Variants in ST6GAL2 observed in about 807,000 individuals in gnomAD.
The protein encoded by ST6GAL2 is ST6 beta-galactoside alpha-2,6-sialyltransferase 2, also known as beta-galactoside alpha-2,6-sialyltransferase 2.
ST6GAL2 carries 24 observed loss-of-function variants against 37.5 expected under a neutral mutation model. The ratio of observed to expected loss-of-function variants is 0.64; its 90% CI spans 0.46 to 0.90. The LOEUF (loss-of-function observed/expected upper bound fraction) is 0.90. Ranked by LOEUF, ST6GAL2 falls within the 40% of genes least tolerant of loss-of-function variation. The pLI is 0.00. For synonymous variants in ST6GAL2, 306 were observed against 295.1 expected, an observed-to-expected ratio of 1.04 and a Z score of -0.38; for missense variants, 715 against 712.7, an observed-to-expected ratio of 1.00 and a Z score of -0.04.
intron 2 of ST6GAL2, among the ~76,000 whole-genome samples, chr2:106,837,825 C>A (rs1354251943): frequency 6.6e-6 from 1 of 152,218 alleles, no homozygotes; most frequent in Admixed American, 6.5e-5. Flanking sequence ...GTGCTCTAAA[C>A]CATCCAAGGA....
intron 2 of ST6GAL2, among the ~76,000 whole-genome samples, chr2:106,835,787 A>G (rs1345344716): frequency 6.6e-6 from 1 of 152,240 alleles, no homozygotes; most frequent in Non-Finnish European, 1.5e-5. Context: ...GCCAATCTCT[A>G]GGTTCAAGGG....
chr2:106,808,900 G>T (rs1192674507), intron 5 of ST6GAL2, among the ~76,000 whole-genome samples: 2 of 152,164 alleles, frequency 1.3e-5, no homozygotes, highest in Non-Finnish European at 2.9e-5. Context: ...TTAGCTACTT[G>T]AGAGACTGAG....
rs1558667943 is a variant in ST6GAL2, at chr2:106,803,161, T to A, written c.*3517A>T. ...TTCCTAATTTTGAAAACGCTAATGA[T>A]TATTTTAGCATTTCTTTTTTTGCAG... On this transcript the variant is annotated 3_prime_UTR_variant, in exon 6 of 6. Transcript: ENST00000409382. 2.0e-5 allele frequency: 3 copies of A among 152,138 alleles called. No homozygotes were observed. Among genetic ancestry groups the A allele is most frequent in the Non-Finnish European group, 1.5e-5 (1 of 68,048 alleles). The allele number at this position is 152,138 out of a possible 1,614,324, so 9.4% of individuals were successfully genotyped here. A position where few individuals can be genotyped will look rare whatever the true frequency, so the allele number is the denominator to read the frequency against.
intron 5 of ST6GAL2, chr2:106,824,908 T>C (rs1258816240): frequency 6.6e-6 from 1 of 152,192 alleles, no homozygotes; most frequent in Non-Finnish European, 1.5e-5. Flanking sequence ...GGACTAGACT[T>C]CTAAAGTTCT....
At chr2:106,824,664 T>A (rs1039314396) in intron 5 of ST6GAL2, among the ~76,000 whole-genome samples, 4 of 152,038 alleles carry the variant, frequency 2.6e-5, no homozygotes, top group Non-Finnish European at 4.4e-5. Context: ...CATCCAATAC[T>A]GCTGGAATAT....
At chr2:106,830,365 C>G in intron 4 of ST6GAL2, 125 bp from the exon 5 acceptor site, 1 of 719,748 alleles carries the variant, frequency 1.4e-6, no homozygotes, top group Admixed American at 2.5e-5. Context: ...AAGATCATGA[C>G]TCATGACATC....
intron 1 of ST6GAL2, among the ~76,000 whole-genome samples, chr2:106,858,792 C>T (rs1179300337): frequency 6.6e-6 from 1 of 152,106 alleles, no homozygotes; most frequent in Non-Finnish European, 1.5e-5. Flanking sequence ...CCACTCTGCA[C>T]CTCTGCATCT....
chr2:106,814,319 C>T (rs2104424243), intron 5 of ST6GAL2, among the ~76,000 whole-genome samples: 1 of 152,028 alleles, frequency 6.6e-6, no homozygotes, highest in African/African-American at 2.4e-5. Context: ...GTTTGGGTGA[C>T]ACATTAAAAA....
chr2:106,838,566 C>T (rs1676740202), intron 2 of ST6GAL2, among the ~76,000 whole-genome samples: 1 of 152,220 alleles, frequency 6.6e-6, no homozygotes, highest in South Asian at 2.1e-4. Context: ...TGACTATCTG[C>T]AATGGCTGCA....
At chr2:106,851,998 T>C (rs1677383670) in intron 1 of ST6GAL2, among the ~76,000 whole-genome samples, 1 of 152,210 alleles carries the variant, frequency 6.6e-6, no homozygotes, top group Admixed American at 6.5e-5. Flanking sequence ...GCTGGAATTC[T>C]TTTATCTCTT....
chr2:106,842,900 G>T, intron 2 of ST6GAL2, 135 bp downstream of exon 2: 2 of 547,656 alleles, frequency 3.7e-6, no homozygotes, highest in Non-Finnish European at 5.8e-6. Context: ...AGAATCTCCA[G>T]CTAATATTAG....
chr2:106,830,027 C>T, intron 5 of ST6GAL2, 39 bp downstream of exon 5: 1 of 1,576,004 alleles, frequency 6.3e-7, no homozygotes, highest in Admixed American at 1.7e-5. Context: ...ATCATCCTGT[C>T]TGCCCCCCAA....
At chr2:106,848,208 T>C (rs867338306) in intron 1 of ST6GAL2, among the ~76,000 whole-genome samples, 5 of 152,158 alleles carry the variant, frequency 3.3e-5, no homozygotes, top group Middle Eastern at 3.4e-3. Context: ...TTTCTGGTGA[T>C]CAGAGCCCAA....
chr2:106,845,039 A>C (rs925476218), intron 1 of ST6GAL2, among the ~76,000 whole-genome samples: 7 of 152,202 alleles, frequency 4.6e-5, no homozygotes, highest in African/African-American at 1.7e-4. Context: ...AATAATAACT[A>C]AGCTTGCTGG....
Position 106,882,515 on chromosome 2 carries a change from T to C in ST6GAL2, c.-58+3578A>G, listed in dbSNP as rs13424001. Among the ~76,000 whole-genome samples the C allele has an allele frequency of 5.4e-4, 82 of 152,362 alleles. 2 individuals are homozygous for C. The highest frequency in any genetic ancestry group is 1.9e-3 in the African/African-American group (81 of 41,576). On this transcript the variant is annotated intron_variant, in intron 1 of 5. Transcript: ENST00000409382. ...GCAAATTAGTTACTATTATTATTCT[T>C]TGAATTACTACCATCTCCTGAGGCT... is the stretch of plus-strand genomic sequence containing the variant.
chr2:106,863,131 G>A (rs1476611101), intron 1 of ST6GAL2, among the ~76,000 whole-genome samples: 6 of 152,100 alleles, frequency 3.9e-5, no homozygotes, highest in Admixed American at 1.3e-4. Context: ...TGAGGAGCCC[G>A]TGGTCTGGAG....
chr2:106,843,847 G>C lies in ST6GAL2; in HGVS notation c.131C>G (p.Ser44Cys). 6.2e-7 allele frequency: 1 copy of C among 1,612,308 alleles called. No individual in the cohort carries two copies. The highest frequency in any genetic ancestry group is 8.5e-7 in the Non-Finnish European group (1 of 1,179,718). The change falls in exon 2 of 6, where the codon TCC (serine) becomes TGC (cysteine). Residue 44 changes from serine to cysteine, a missense_variant. Physicochemically the swap from Ser to Cys is moderately radical, Grantham distance 112. Around this residue, in one of 3 missense-constraint regions of ST6GAL2, gnomAD observed 512 missense variants for 488.8 expected, o/e 1.05. Transcript: ENST00000409382. ...CAGGAGCCTCCTGGTCTCCAGGAAG[G>C]AGAGGGAGCTGGGTACAGGCTCAGC... ...NPAEPVPSSLSFLETRRLLPV... is the reference protein window; with the variant it reads ...NPAEPVPSSLCFLETRRLLPV...
At chr2:106,840,277 T>C (rs1007313424) in intron 2 of ST6GAL2, among the ~76,000 whole-genome samples, 14 of 152,240 alleles carry the variant, frequency 9.2e-5, no homozygotes, top group African/African-American at 2.4e-5. Flanking sequence ...CGCTACACCA[T>C]GCCCCCAATA....
chr2:106,876,050 G>A (rs759540001), intron 1 of ST6GAL2, among the ~76,000 whole-genome samples: 1 of 152,126 alleles, frequency 6.6e-6, no homozygotes, highest in Admixed American at 6.5e-5. Flanking sequence ...CTGCAATCTT[G>A]AACTCCTCTA....
Sources: allele counts gnomAD v4.1 joint callset (sites outside exome capture counted in the v4.1 genomes callset), GRCh38; gene constraint gnomAD v4.1.1; regional missense constraint gnomAD v4.1.1; transcripts MANE v1.5; gene names NCBI Gene and HGNC (gene_info 2026-07-23, HGNC 2026-07-21).